The following TLL1 variants were observed in gnomAD, a reference collection of about 807,000 sequenced individuals.
The protein encoded by TLL1 is tolloid-like protein 1.
A neutral mutation model predicts 128.2 loss-of-function variants in TLL1; 49 were observed. The observed-to-expected ratio is 0.38, with a 90% CI of 0.30 to 0.48. The LOEUF is 0.48. TLL1 is among the 20% of genes least tolerant of loss of function. The pLI, the probability that TLL1 is intolerant of heterozygous loss-of-function variation, is 0.96. For synonymous variants in TLL1, 454 were observed against 418.8 expected (o/e 1.08, Z -1.03); for missense variants, 1,123 against 1,242.0 (o/e 0.90, Z 1.44).
intron 19 of TLL1, among the ~76,000 whole-genome samples, chr4:166,093,918 G>A (rs1741899415): frequency 6.6e-6 from 1 of 152,126 alleles, no homozygotes; most frequent in South Asian, 2.1e-4. Context: ...GTTTTTGTGA[G>A]CTCAAAGATG....
At chr4:165,944,376 C>G (rs924193201) in intron 1 of TLL1, among the ~76,000 whole-genome samples, 24 of 152,216 alleles carry the variant, frequency 1.6e-4, no homozygotes, top group African/African-American at 5.8e-4. Context: ...TTCCTTCACA[C>G]ACAAATAACA....
chr4:166,069,058 G>GA (rs569885552), intron 16 of TLL1, among the ~76,000 whole-genome samples: 2 of 151,554 alleles, frequency 1.3e-5, no homozygotes, highest in Non-Finnish European at 3.0e-5. Flanking sequence ...AAATATAAAA[G>GA]AAAAAACTCC....
chr4:165,910,802 G>A (rs1443461582), intron 1 of TLL1, among the ~76,000 whole-genome samples: 1 of 150,840 alleles, frequency 6.6e-6, no homozygotes, highest in Non-Finnish European at 1.5e-5. Flanking sequence ...TTACACATGA[G>A]AACACTGGGG....
chr4:165,936,285 T>G (rs1217876491), intron 1 of TLL1, among the ~76,000 whole-genome samples: 1 of 149,908 alleles, frequency 6.7e-6, no homozygotes, highest in Non-Finnish European at 1.5e-5. Context: ...AGTGATGTGA[T>G]CTCAGCTCAC....
chr4:165,949,682 G>A (rs1734418427), intron 1 of TLL1, among the ~76,000 whole-genome samples: 1 of 151,966 alleles, frequency 6.6e-6, no homozygotes, highest in Admixed American at 6.6e-5. Context: ...CAAGCAAAAG[G>A]GGTTTCTTCC....
chr4:166,091,151 G>A lies in TLL1; in HGVS notation c.2466G>A (p.Glu822=). Residue 822 remains glutamate (E), a synonymous_variant, in exon 19 of 21, where the codon GAG becomes GAA. Transcript: ENST00000061240. The part of the protein sequence containing the change: ...IKLAFSEFEI[E]QHQECAYDHL... The stretch of plus-strand genomic sequence containing the variant: ...AGGCCTTTAGTGAATTTGAGATTGA[G>A]CAGCATCAAGAATGTGCTTATGACC... 3.7e-6 allele frequency: 6 copies of A among 1,612,544 alleles called. No individual in the cohort carries two copies. Among genetic ancestry groups the A allele is most frequent in the Non-Finnish European group, 4.2e-6 (5 of 1,179,290 alleles).
chr4:165,935,266 A>G (rs1561038720), intron 1 of TLL1, among the ~76,000 whole-genome samples: 1 of 152,158 alleles, frequency 6.6e-6, no homozygotes, highest in Non-Finnish European at 1.5e-5. Context: ...TGCTAGAAAT[A>G]CCTCTGTGAC....
chr4:165,895,670 T>C lies in TLL1; in HGVS notation c.169+21597T>C, dbSNP rs143156128. 3.9e-3 allele frequency among the ~76,000 whole-genome samples: 493 copies of C among 126,940 alleles called. 5 individuals are homozygous for C. The highest frequency in any genetic ancestry group is 0.017 in the African/African-American group (452 of 27,196). 83.3% of individuals were successfully genotyped at this position (126,940 alleles called of 152,430 possible). A position where few individuals can be genotyped will look rare whatever the true frequency, so the allele number is the denominator to read the frequency against. On this transcript the variant is annotated intron_variant, in intron 1 of 20. Transcript: ENST00000061240. The stretch of plus-strand genomic sequence containing the variant: ...AAAAAAAAAAAAAAAAAAGACACTG[T>C]AATTCTAAAATTCATATAGAAATGC...
intron 8 of TLL1, among the ~76,000 whole-genome samples, chr4:166,022,339 T>C (rs1406951950): frequency 1.3e-5 from 2 of 152,150 alleles, no homozygotes; most frequent in African/African-American, 4.8e-5. Context: ...CTAGTTTTTG[T>C]ATTTTTAGTA....
intron 1 of TLL1, among the ~76,000 whole-genome samples, chr4:165,957,640 CTT>C (rs145695622): frequency 0.023 from 3,550 of 151,600 alleles, 105 homozygotes; most frequent in African/African-American, 0.08. Context: ...TATTTGTAGA[CTT>C]TTATCGCTCG....
intron 8 of TLL1, among the ~76,000 whole-genome samples, chr4:166,020,946 AAAG>A (rs1738199555): frequency 6.6e-6 from 1 of 152,326 alleles, no homozygotes; most frequent in South Asian, 2.1e-4. Flanking sequence ...TTTAATAAAC[AAAG>A]AATACTTATA....
At chr4:166,099,171 A>G in intron 19 of TLL1, 106 bp from the exon 20 acceptor site, 4 of 1,539,370 alleles carry the variant, frequency 2.6e-6, no homozygotes, top group Non-Finnish European at 3.6e-6. Context: ...GGAAGTAGAA[A>G]CAGAAGTTAG....
chr4:166,077,251 G>T, intron 17 of TLL1, among the ~76,000 whole-genome samples: 1 of 150,500 alleles, frequency 6.6e-6, no homozygotes, highest in African/African-American at 2.4e-5. Context: ...AAACCCTTAA[G>T]TAATTATACT....
chr4:166,041,285 ATTCTTTCT>A (rs113498318), intron 10 of TLL1, among the ~76,000 whole-genome samples: 6,286 of 143,700 alleles, frequency 0.044, 156 homozygotes, highest in African/African-American at 0.063. Context: ...CTGAGAGCAC[ATTCTTTCT>A]TTCTTTCTTT....
chr4:165,874,918 G>A (rs1420265438), intron 1 of TLL1: 25 of 152,422 alleles, frequency 1.6e-4, no homozygotes, highest in Admixed American at 1.6e-3. Context: ...ACGTGCCCGG[G>A]GCCGCTACCA....
At position 166,065,743 on chromosome 4, in the gene TLL1, G is replaced by A; in HGVS notation, c.2068G>A (p.Gly690Ser). 6.2e-7 allele frequency: 1 copy of A among 1,613,044 alleles called. No individual in the cohort carries two copies. Among genetic ancestry groups the A allele is most frequent in the Non-Finnish European group, 8.5e-7 (1 of 1,179,378 alleles). ...TCTTTCCTCTGAGTCTAAACTGCAT[G>A]GCAAATTCTGTGGCGCTGAAGTGCC... ...SGLSSESKLH[G>S]KFCGAEVPEV... Residue 690 changes from glycine to serine, a missense_variant, in exon 16 of 21, where the codon GGC becomes AGC. Physicochemically the swap from Gly to Ser is moderately conservative, Grantham distance 56. Around this residue, in one of 3 missense-constraint regions of TLL1, gnomAD observed 634 missense variants for 672.4 expected, o/e 0.94. Transcript: ENST00000061240.
rs1245320308 is a variant in TLL1 at position 166,091,128 on chromosome 4, G to A, written c.2443G>A (p.Ala815Thr). 1 of 1,609,910 alleles carries A rather than the reference G, an allele frequency of 6.2e-7. No homozygotes were observed. The highest frequency in any genetic ancestry group is 8.5e-7 in the Non-Finnish European group (1 of 1,178,064). ...AAATTATTTCTTCTTTTTAAAAAAG[G>A]CCTTTAGTGAATTTGAGATTGAGCA... ...SATPGHRIKL[A>T]FSEFEIEQHQ... Residue 815 changes from alanine to threonine, a missense_variant and splice_region_variant, in exon 19 of 21, where the codon GCC becomes ACC. Transcript: ENST00000061240.
In TLL1 at chr4:165,955,418, T is replaced by C. The variant is rs180777536; in HGVS notation, c.170-33963T>C. 3.3e-4 allele frequency among the ~76,000 whole-genome samples: 50 copies of C among 152,080 alleles called. No homozygotes were observed. The Middle Eastern group carries it at 0.014, about 41-fold the overall frequency. ...CCTAGTCTCACTAGAGAGGGCAACA[T>C]GAAAATTCAGTAAATTCAGAAAACT... is the stretch of plus-strand genomic sequence containing the variant. On this transcript the variant is annotated intron_variant, in intron 1 of 20. Coordinates refer to ENST00000061240, the MANE Select transcript of TLL1 (RefSeq NM_012464.5).
intron 1 of TLL1, among the ~76,000 whole-genome samples, chr4:165,948,113 T>C (rs2110934715): frequency 6.6e-6 from 1 of 152,228 alleles, no homozygotes; most frequent in Non-Finnish European, 1.5e-5. Context: ...CCTAGAAACC[T>C]AATGTATTTT....
Sources: allele counts gnomAD v4.1 joint callset (sites outside exome capture counted in the v4.1 genomes callset), GRCh38; gene constraint gnomAD v4.1.1; regional missense constraint gnomAD v4.1.1; transcripts MANE v1.5; gene names NCBI Gene and HGNC (gene_info 2026-07-23, HGNC 2026-07-21).